The following WDR70 variants were observed in gnomAD, a reference collection of about 807,000 sequenced individuals.
WDR70 encodes the protein WD repeat domain 70.
WDR70 carries 53 observed loss-of-function variants against 88.6 expected under a neutral mutation model. The observed-to-expected ratio is 0.60, with a 90% CI of 0.48 to 0.75. The LOEUF is 0.75. Among genes scored for constraint, WDR70 ranks in the 30% least tolerant of loss-of-function variants. The pLI is 0.00. For synonymous variants in WDR70, 280 were observed against 270.0 expected (o/e 1.04, Z -0.36); for missense variants, 610 against 823.2 (o/e 0.74, Z 3.17).
At chr5:37,631,655 G>A (rs1744821907) in intron 10 of WDR70, among the ~76,000 whole-genome samples, 2 of 152,124 alleles carry the variant, frequency 1.3e-5, no homozygotes, top group African/African-American at 2.4e-5. Context: ...TTGACTCTAG[G>A]CAGTCTGGCT....
intron 9 of WDR70, among the ~76,000 whole-genome samples, chr5:37,592,566 G>T (rs1433085582): frequency 6.6e-6 from 1 of 152,222 alleles, no homozygotes; most frequent in Admixed American, 6.5e-5. Context: ...TGAATGAACT[G>T]TGTGTTGTGT....
chr5:37,504,689 G>A (rs747962537), intron 8 of WDR70, among the ~76,000 whole-genome samples: 1 of 152,174 alleles, frequency 6.6e-6, no homozygotes, highest in African/African-American at 2.4e-5. Flanking sequence ...TTCCCACTAT[G>A]CATATTTACC....
chr5:37,550,403 T>C (rs972637656), intron 9 of WDR70, among the ~76,000 whole-genome samples: 2 of 152,228 alleles, frequency 1.3e-5, no homozygotes, highest in African/African-American at 4.8e-5. Flanking sequence ...ATATGATCTG[T>C]TCTTGAGAAT....
chr5:37,748,149 A>G (rs1162797069), intron 17 of WDR70, among the ~76,000 whole-genome samples: 1 of 152,250 alleles, frequency 6.6e-6, no homozygotes, highest in East Asian at 1.9e-4. Flanking sequence ...TTTAAATTTC[A>G]TATGGAATCA....
intron 2 of WDR70, among the ~76,000 whole-genome samples, chr5:37,380,382 A>C (rs1748389433): frequency 6.6e-6 from 1 of 151,810 alleles, no homozygotes; most frequent in Non-Finnish European, 1.5e-5. Flanking sequence ...TCAGTCGCCC[A>C]GGCTGGAGTG....
chr5:37,644,802 T>C (rs1386935336), intron 10 of WDR70, among the ~76,000 whole-genome samples: 1 of 151,990 alleles, frequency 6.6e-6, no homozygotes, highest in Non-Finnish European at 1.5e-5. Context: ...TGAATTTCTG[T>C]AGTATTGGTT....
At chr5:37,694,247 G>A (rs1561076021) in intron 10 of WDR70, among the ~76,000 whole-genome samples, 3 of 152,350 alleles carry the variant, frequency 2.0e-5, no homozygotes, top group South Asian at 2.1e-4. Context: ...TGCACTGTTG[G>A]TGAGAGTTTA....
At chr5:37,404,184 A>C (rs1749284314) in intron 5 of WDR70, among the ~76,000 whole-genome samples, 1 of 152,204 alleles carries the variant, frequency 6.6e-6, no homozygotes, top group Non-Finnish European at 1.5e-5. Flanking sequence ...ATTATTTATA[A>C]TAAAAGGCTC....
At chr5:37,470,135 A>AC in intron 7 of WDR70, among the ~76,000 whole-genome samples, 1 of 7,278 alleles carries the variant, frequency 1.4e-4, no homozygotes, top group African/African-American at 1.5e-4. Context: ...AAAAACAAAA[A>AC]CAAAAAAAAA....
intron 10 of WDR70, among the ~76,000 whole-genome samples, chr5:37,670,522 C>T (rs1045768905): frequency 7.9e-5 from 12 of 152,152 alleles, no homozygotes; most frequent in Non-Finnish European, 1.0e-4. Flanking sequence ...GCCACATTTT[C>T]AGTAACTCAT....
At chr5:37,736,312 G>C (rs67885658) in intron 17 of WDR70, among the ~76,000 whole-genome samples, 5,864 of 152,200 alleles carry the variant, frequency 0.039, 128 homozygotes, top group Middle Eastern at 0.12. Flanking sequence ...TGCATATCTT[G>C]TCTGATATTG....
intron 17 of WDR70, among the ~76,000 whole-genome samples, chr5:37,743,877 G>T (rs1300150198): frequency 6.6e-6 from 1 of 152,188 alleles, no homozygotes; most frequent in African/African-American, 2.4e-5. Context: ...CCAGACGAGT[G>T]GGTTTCCCCC....
At chr5:37,703,178 C>A in intron 13 of WDR70, 91 bp downstream of exon 13, 1 of 1,495,124 alleles carries the variant, frequency 6.7e-7, no homozygotes, top group Non-Finnish European at 9.1e-7. Context: ...AGAATATAAG[C>A]CCTGGCCCTT....
At chr5:37,613,888 A>G (rs1744257196) in intron 10 of WDR70, among the ~76,000 whole-genome samples, 1 of 152,198 alleles carries the variant, frequency 6.6e-6, no homozygotes, top group Non-Finnish European at 1.5e-5. Flanking sequence ...ACTGAGGTTC[A>G]ATCCCAGGCA....
chr5:37,685,323 C>T (rs926773019), intron 10 of WDR70, among the ~76,000 whole-genome samples: 3 of 151,882 alleles, frequency 2.0e-5, no homozygotes, highest in Admixed American at 6.6e-5. Flanking sequence ...AGGTGGTTGC[C>T]GTGGGCCTGG....
chr5:37,626,970 T>G (rs1015362676), intron 10 of WDR70, among the ~76,000 whole-genome samples: 1 of 152,218 alleles, frequency 6.6e-6, no homozygotes, highest in Non-Finnish European at 1.5e-5. Flanking sequence ...TGACATATCC[T>G]CTTCCGTTTA....
Position 37,701,078 on chromosome 5 carries a change from T to C in WDR70, c.1213T>C (p.Trp405Arg). 1.2e-6 allele frequency: 2 copies of C among 1,611,958 alleles called. No homozygotes were observed. Among genetic ancestry groups the C allele is most frequent in the Non-Finnish European group, 1.7e-6 (2 of 1,178,196 alleles). The part of the protein sequence containing the change: ...SRGGDDSLKL[W>R]DIRQFNKPLF... ...GTCAGGTGACGATTCATTAAAATTATGGGACATCCGACAATTTAATAAACC... is the reference window on the plus strand; with the variant it reads ...GTCAGGTGACGATTCATTAAAATTACGGGACATCCGACAATTTAATAAACC... Residue 405 changes from tryptophan to arginine, a missense_variant, in exon 12 of 18, where the codon TGG becomes CGG. Physicochemically the swap from Trp to Arg is moderately radical, Grantham distance 101. Transcript: ENST00000265107.
At chr5:37,549,364 A>C (rs911396884) in intron 9 of WDR70, among the ~76,000 whole-genome samples, 1 of 152,132 alleles carries the variant, frequency 6.6e-6, no homozygotes, top group Non-Finnish European at 1.5e-5. Flanking sequence ...CTTTGGTTAA[A>C]TTAATTCCTA....
At chr5:37,708,726 T>G (rs1472289839) in intron 13 of WDR70, among the ~76,000 whole-genome samples, 1 of 152,180 alleles carries the variant, frequency 6.6e-6, no homozygotes, top group Non-Finnish European at 1.5e-5. Flanking sequence ...CCTCCATTAT[T>G]TGTACTTAGG....
Sources: allele counts gnomAD v4.1 joint callset (sites outside exome capture counted in the v4.1 genomes callset), GRCh38; gene constraint gnomAD v4.1.1; transcripts MANE v1.5; gene names NCBI Gene and HGNC (gene_info 2026-07-23, HGNC 2026-07-21).